Variants in KAZN observed in about 807,000 individuals in gnomAD.
KAZN encodes the protein kazrin, periplakin interacting protein, also known as kazrin.
KAZN carries 40 observed loss-of-function variants against 87.4 expected under a neutral mutation model. That is an observed-to-expected ratio of 0.46 (90% CI 0.36 to 0.60). The LOEUF (loss-of-function observed/expected upper bound fraction) is 0.60. KAZN is among the 20% of genes least tolerant of loss of function. The pLI is 0.00. For synonymous variants in KAZN, 466 were observed against 458.3 expected (o/e 1.02, Z -0.22); for missense variants, 898 against 1,073.9 (o/e 0.84, Z 2.29).
At chr1:14,766,573 GC>G (rs775870211) in intron 1 of KAZN, among the ~76,000 whole-genome samples, 7 of 149,342 alleles carry the variant, frequency 4.7e-5, no homozygotes, top group Non-Finnish European at 1.0e-4. Context: ...ACAGAGAGGG[GC>G]CTTGGGGAGG....
chr1:14,866,314 T>C (rs997354117), intron 1 of KAZN, among the ~76,000 whole-genome samples: 2 of 152,176 alleles, frequency 1.3e-5, no homozygotes, highest in African/African-American at 4.8e-5. Flanking sequence ...AAAGCAAGCA[T>C]CCCGATCTCC....
chr1:15,050,149 AGAATAGAATG>A (rs1175750192), intron 4 of KAZN, among the ~76,000 whole-genome samples: 7 of 111,330 alleles, frequency 6.3e-5, no homozygotes, highest in Non-Finnish European at 1.2e-4. Context: ...ATAGAATAAT[AGAATAGAATG>A]GAATAGAATA....
At chr1:14,326,122 G>C (rs1656394623) in intron 2 of KAZN, among the ~76,000 whole-genome samples, 1 of 152,102 alleles carries the variant, frequency 6.6e-6, no homozygotes, top group Non-Finnish European at 1.5e-5. Flanking sequence ...ATCTCCCCTT[G>C]AGTGTCTCAT....
chr1:14,975,164 G>A (rs1423311341), intron 2 of KAZN, among the ~76,000 whole-genome samples: 1 of 152,238 alleles, frequency 6.6e-6, no homozygotes, highest in African/African-American at 2.4e-5. Flanking sequence ...CCAGCTCCTG[G>A]GTGAGGGAAA....
intron 1 of KAZN, among the ~76,000 whole-genome samples, chr1:13,966,533 G>C (rs1016686114): frequency 2.6e-5 from 4 of 152,182 alleles, no homozygotes; most frequent in Non-Finnish European, 4.4e-5. Flanking sequence ...CTGGCTTAGA[G>C]TGGTGACCTG....
chr1:14,776,452 C>G (rs1224710915), intron 1 of KAZN, among the ~76,000 whole-genome samples: 1 of 152,242 alleles, frequency 6.6e-6, no homozygotes, highest in African/African-American at 2.4e-5. Flanking sequence ...ACTGCATCCA[C>G]TGCACCCAAC....
At chr1:14,205,654 G>A (rs1427734759) in intron 2 of KAZN, among the ~76,000 whole-genome samples, 1 of 151,930 alleles carries the variant, frequency 6.6e-6, no homozygotes, top group Non-Finnish European at 1.5e-5. Flanking sequence ...GGAGGCCGAG[G>A]TGGGCAGATC....
At chr1:14,187,365 TCAGA>T (rs1462726747) in intron 2 of KAZN, among the ~76,000 whole-genome samples, 9 of 152,298 alleles carry the variant, frequency 5.9e-5, no homozygotes, top group Admixed American at 2.0e-4. Context: ...CACTACCCTC[TCAGA>T]CTCCTAGAAA....
At chr1:14,941,694 C>T (rs932872475) in intron 1 of KAZN, among the ~76,000 whole-genome samples, 2 of 152,108 alleles carry the variant, frequency 1.3e-5, no homozygotes, top group African/African-American at 4.8e-5. Flanking sequence ...GGAAGATTTC[C>T]TGGGCACTGG....
At chr1:14,737,624 C>T (rs1643947242) in intron 1 of KAZN, among the ~76,000 whole-genome samples, 1 of 152,228 alleles carries the variant, frequency 6.6e-6, no homozygotes, top group African/African-American at 2.4e-5. Flanking sequence ...GAACTGGGCT[C>T]TCTGCTCAGG....
At chr1:14,935,427 C>T (rs964260026) in intron 1 of KAZN, among the ~76,000 whole-genome samples, 5 of 152,120 alleles carry the variant, frequency 3.3e-5, no homozygotes, top group South Asian at 2.1e-4. Context: ...CCCCCAGAAC[C>T]GCTTGAGCTG....
At chr1:14,434,927 T>C (rs764569287) in intron 2 of KAZN, among the ~76,000 whole-genome samples, 12 of 152,078 alleles carry the variant, frequency 7.9e-5, no homozygotes, top group Non-Finnish European at 1.6e-4. Flanking sequence ...GCTGACACAC[T>C]TTGTCTGAGG....
Position 14,680,453 on chromosome 1 carries a change from A to AT in KAZN, c.226+81239dup, listed in dbSNP as rs1045218180. ...TTGGGCTGCTTTCACTCAGCAAAAT[A>AT]TTTTTTTTTATTATTTAAGTTCTGG... On this transcript the variant is annotated intron_variant, in intron 1 of 14. Transcript: ENST00000376030. 1.5e-4 allele frequency among the ~76,000 whole-genome samples: 22 copies of AT among 151,630 alleles called. 1 individual carries two copies. The highest frequency in any genetic ancestry group is 2.1e-4 in the South Asian group (1 of 4,772).
intron 2 of KAZN, among the ~76,000 whole-genome samples, chr1:14,251,018 C>T (rs1445984482): frequency 6.6e-6 from 1 of 152,062 alleles, no homozygotes; most frequent in Non-Finnish European, 1.5e-5. Flanking sequence ...AACATGTTTC[C>T]CCTTCCAGAA....
At chr1:14,258,097 C>T (rs1392936190) in intron 2 of KAZN, among the ~76,000 whole-genome samples, 2 of 151,424 alleles carry the variant, frequency 1.3e-5, no homozygotes, top group African/African-American at 4.9e-5. Flanking sequence ...GAGAGGAGAG[C>T]CTGAGACCCT....
chr1:14,377,092 T>C (rs1021355137), intron 2 of KAZN, among the ~76,000 whole-genome samples: 1 of 151,148 alleles, frequency 6.6e-6, no homozygotes, highest in Admixed American at 6.6e-5. Context: ...CCCATTCTTG[T>C]TATTTCCAAG....
chr1:14,484,374 A>C (rs1353934069), intron 2 of KAZN, among the ~76,000 whole-genome samples: 3 of 152,210 alleles, frequency 2.0e-5, no homozygotes, highest in Admixed American at 6.5e-5. Flanking sequence ...AAAATATGTG[A>C]GGTAATGTAT....
chr1:14,175,398 G>A (rs1366063348), intron 1 of KAZN, among the ~76,000 whole-genome samples: 2 of 152,136 alleles, frequency 1.3e-5, no homozygotes, highest in Non-Finnish European at 2.9e-5. Flanking sequence ...CCACCGCGCC[G>A]GGCCCACGGA....
intron 1 of KAZN, among the ~76,000 whole-genome samples, chr1:14,659,563 G>A (rs1006590450): frequency 5.9e-5 from 9 of 152,134 alleles, no homozygotes; most frequent in African/African-American, 1.7e-4. Context: ...AGAGGAAACC[G>A]ATGGCACCAT....
Sources: allele counts gnomAD v4.1 joint callset (sites outside exome capture counted in the v4.1 genomes callset), GRCh38; gene constraint gnomAD v4.1.1; transcripts MANE v1.5; gene names NCBI Gene and HGNC (gene_info 2026-07-23, HGNC 2026-07-21).